HCN1: variants seen among roughly 807,000 people sequenced by gnomAD.
HCN1 encodes potassium/sodium hyperpolarization-activated cyclic nucleotide-gated channel 1.
Under a neutral mutation model 78.9 loss-of-function variants are expected in HCN1, and 13 were observed. That is an observed-to-expected ratio of 0.16 (90% CI 0.11 to 0.26). The LOEUF (loss-of-function observed/expected upper bound fraction) is 0.26, where lower values mean the gene tolerates loss of function less well. HCN1 is among the 10% of genes least tolerant of loss of function. The pLI, the probability that HCN1 is intolerant of heterozygous loss-of-function variation, is 1.00. For synonymous variants in HCN1, 552 were observed against 455.5 expected (o/e 1.21, Z -2.70); for missense variants, 810 against 1,154.3 (o/e 0.70, Z 4.32).
intron 6 of HCN1, among the ~76,000 whole-genome samples, chr5:45,275,850 TC>T (rs1745047111): frequency 6.6e-6 from 1 of 152,138 alleles, no homozygotes; most frequent in African/African-American, 2.4e-5. Context: ...CTTCTATCTG[TC>T]TTTAAAAATT....
intron 6 of HCN1, among the ~76,000 whole-genome samples, chr5:45,302,649 T>A (rs1208678170): frequency 2.0e-5 from 3 of 151,270 alleles, no homozygotes; most frequent in African/African-American, 4.8e-5. Context: ...ATAATTTTAA[T>A]AAAAATTGGA....
At chr5:45,333,798 G>A (rs184574669) in intron 5 of HCN1, among the ~76,000 whole-genome samples, 1 of 151,792 alleles carries the variant, frequency 6.6e-6, no homozygotes, top group Admixed American at 6.6e-5. Flanking sequence ...CCTTCAAAGT[G>A]TTTGTTATAG....
Position 45,381,431 on chromosome 5 carries a change from C to T in HCN1, c.1230+15061G>A, listed in dbSNP as rs1402099191. ...AAATTACAAACTACAAAGCAATGGC[C>T]ATCAGAAATTTGAAACAAATAAAGT... On this transcript the variant is annotated intron_variant, in intron 4 of 7. Coordinates refer to ENST00000303230, the MANE Select transcript of HCN1 (RefSeq NM_021072.4). Among the ~76,000 whole-genome samples the T allele has an allele frequency of 3.3e-5, 5 of 152,114 alleles. No individual in the cohort carries two copies. The South Asian group carries it at 1.0e-3, about 32-fold the overall frequency.
intron 1 of HCN1, among the ~76,000 whole-genome samples, chr5:45,647,226 T>C (rs1745566705): frequency 6.6e-6 from 1 of 152,194 alleles, no homozygotes; most frequent in Admixed American, 6.5e-5. Flanking sequence ...CCATACAACA[T>C]GTACTGGCAG....
At chr5:45,480,253 A>G (rs1741619924) in intron 2 of HCN1, 1 of 152,258 alleles carries the variant, frequency 6.6e-6, no homozygotes, top group Non-Finnish European at 1.5e-5. Context: ...CTAATACAAA[A>G]GTTATCAGTG....
intron 2 of HCN1, among the ~76,000 whole-genome samples, chr5:45,611,108 T>C (rs1433587591): frequency 6.6e-6 from 1 of 151,354 alleles, no homozygotes; most frequent in Admixed American, 6.6e-5. Flanking sequence ...TGCAGAGCAC[T>C]GGCATGATCT....
At chr5:45,265,500 G>A (rs746344091) in intron 7 of HCN1, among the ~76,000 whole-genome samples, 1 of 152,104 alleles carries the variant, frequency 6.6e-6, no homozygotes, top group Non-Finnish European at 1.5e-5. Context: ...TTTCTAATAC[G>A]TTTGTTATAT....
rs114764343 is a variant in HCN1 at position 45,365,602 on chromosome 5, T to G, written c.1231-12356A>C. Among the ~76,000 whole-genome samples the G allele has an allele frequency of 6.9e-3, 1,054 of 152,082 alleles. 15 individuals carry two copies. Among genetic ancestry groups the G allele is most frequent in the African/African-American group, 0.024 (1,002 of 41,516 alleles). On this transcript the variant is annotated intron_variant, in intron 4 of 7. Transcript: ENST00000303230. ...ATCCATTCAACTGTTGGTGGATACT[T>G]ATGTTGGTTCCATGATTTTGTCATT... is the stretch of plus-strand genomic sequence containing the variant.
intron 2 of HCN1, among the ~76,000 whole-genome samples, chr5:45,472,213 C>T (rs1741405561): frequency 6.6e-6 from 1 of 151,868 alleles, no homozygotes; most frequent in Non-Finnish European, 1.5e-5. Context: ...TCCTGGTATA[C>T]TACCTTCCAT....
At chr5:45,512,626 C>T (rs1399349775) in intron 2 of HCN1, among the ~76,000 whole-genome samples, 1 of 152,044 alleles carries the variant, frequency 6.6e-6, no homozygotes, top group Non-Finnish European at 1.5e-5. Flanking sequence ...AATTGGCATT[C>T]TTTAAAAAAA....
intron 5 of HCN1, among the ~76,000 whole-genome samples, chr5:45,343,502 A>G (rs946840795): frequency 6.6e-6 from 1 of 152,192 alleles, no homozygotes; most frequent in African/African-American, 2.4e-5. Context: ...GTTAATTGAT[A>G]GCATTTGATG....
intron 5 of HCN1, among the ~76,000 whole-genome samples, chr5:45,311,325 T>C (rs574600540): frequency 2.0e-4 from 30 of 152,324 alleles, no homozygotes; most frequent in African/African-American, 6.5e-4. Context: ...ATATGGTTTT[T>C]ATTTTAAAAG....
chr5:45,346,451 A>T (rs971787060), intron 5 of HCN1, among the ~76,000 whole-genome samples: 17 of 152,160 alleles, frequency 1.1e-4, no homozygotes, highest in Non-Finnish European at 1.9e-4. Context: ...AAGATGGGTG[A>T]TTTCTGCATT....
intron 5 of HCN1, among the ~76,000 whole-genome samples, chr5:45,342,378 T>A (rs1746601694): frequency 6.6e-6 from 1 of 150,684 alleles, no homozygotes; most frequent in African/African-American, 2.5e-5. Flanking sequence ...TACAGGTGCA[T>A]GCCACTACAC....
intron 2 of HCN1, among the ~76,000 whole-genome samples, chr5:45,602,095 C>T (rs566881548): frequency 3.3e-5 from 5 of 152,060 alleles, no homozygotes; most frequent in Non-Finnish European, 4.4e-5. Context: ...TGCCTTCTGC[C>T]GTGATTGTAA....
chr5:45,304,111 T>A (rs1442879967), intron 5 of HCN1, among the ~76,000 whole-genome samples: 1 of 152,140 alleles, frequency 6.6e-6, no homozygotes, highest in Non-Finnish European at 1.5e-5. Flanking sequence ...TCAACTTTTT[T>A]AACTTCCCAT....
chr5:45,306,391 G>T (rs1366357394), intron 5 of HCN1, among the ~76,000 whole-genome samples: 2 of 152,028 alleles, frequency 1.3e-5, no homozygotes, highest in African/African-American at 2.4e-5. Context: ...GCATATCCAG[G>T]TGTTTCTGTT....
chr5:45,494,426 C>T lies in HCN1; in HGVS notation c.850-32419G>A, dbSNP rs972844741. Among the ~76,000 whole-genome samples, 1,132 of 151,818 alleles carry T rather than the reference C, an allele frequency of 7.5e-3. 17 individuals carry two copies. Among genetic ancestry groups the T allele is most frequent in the African/African-American group, 0.022 (923 of 41,436 alleles). ...TTGAGAAGTGTCTGTTCATGTCCTTCGCCCACTTTTTGATGGGGTTGTTTG... is the reference window on the plus strand; with the variant it reads ...TTGAGAAGTGTCTGTTCATGTCCTTTGCCCACTTTTTGATGGGGTTGTTTG... On this transcript the variant is annotated intron_variant, in intron 2 of 7. Transcript: ENST00000303230.
At chr5:45,612,651 C>T (rs1001277702) in intron 2 of HCN1, among the ~76,000 whole-genome samples, 2 of 152,128 alleles carry the variant, frequency 1.3e-5, no homozygotes, top group African/African-American at 4.8e-5. Context: ...TATGCATTTA[C>T]TCAACCTTCC....
Sources: allele counts gnomAD v4.1 joint callset (sites outside exome capture counted in the v4.1 genomes callset), GRCh38; gene constraint gnomAD v4.1.1; transcripts MANE v1.5; gene names NCBI Gene and HGNC (gene_info 2026-07-23, HGNC 2026-07-21).